Variants in STPG2 observed in about 807,000 individuals in gnomAD.
The protein encoded by STPG2 is sperm tail PG-rich repeat containing 2.
A neutral mutation model predicts 54.2 loss-of-function variants in STPG2; 56 were observed. The observed-to-expected ratio is 1.03, with a 90% CI of 0.83 to 1.29. The LOEUF is 1.29. Ranked by LOEUF, STPG2 falls within the 50% of genes most tolerant of loss-of-function variation. STPG2 has a pLI of 0.00. For missense variants in STPG2, 596 were observed against 544.9 expected, an observed-to-expected ratio of 1.09 and a Z score of -0.93; for synonymous variants, 200 against 181.8, an observed-to-expected ratio of 1.10 and a Z score of -0.81.
chr4:97,541,164 A>T (rs994033794), intron 4 of STPG2, among the ~76,000 whole-genome samples: 1 of 152,106 alleles, frequency 6.6e-6, no homozygotes, highest in African/African-American at 2.4e-5. Context: ...CAATTAGGAA[A>T]AGAGGAAGTC....
At chr4:97,726,888 G>A (rs1450197060) in intron 9 of STPG2, among the ~76,000 whole-genome samples, 1 of 151,212 alleles carries the variant, frequency 6.6e-6, no homozygotes, top group Non-Finnish European at 1.5e-5. Flanking sequence ...GTTGGCAAGA[G>A]GCCTCCTCCA....
chr4:97,879,612 C>A (rs1730300390), intron 8 of STPG2, among the ~76,000 whole-genome samples: 1 of 152,050 alleles, frequency 6.6e-6, no homozygotes, highest in African/African-American at 2.4e-5. Context: ...TTACCAGGTC[C>A]CCCCTGCAAC....
chr4:97,639,482 C>T (rs945390313), intron 10 of STPG2, among the ~76,000 whole-genome samples: 10 of 150,426 alleles, frequency 6.6e-5, no homozygotes, highest in Admixed American at 1.3e-4. Context: ...TACCCTAAAA[C>T]TTAAAGTATA....
At chr4:98,002,422 T>C (rs1432287333) in intron 5 of STPG2, among the ~76,000 whole-genome samples, 1 of 152,026 alleles carries the variant, frequency 6.6e-6, no homozygotes, top group Non-Finnish European at 1.5e-5. Flanking sequence ...GAATTTCCCA[T>C]ATCTTCTGCT....
intron 4 of STPG2, among the ~76,000 whole-genome samples, chr4:97,450,128 A>G (rs930742481): frequency 6.6e-6 from 1 of 152,166 alleles, no homozygotes; most frequent in Non-Finnish European, 1.5e-5. Flanking sequence ...ACTAAAGAGA[A>G]TTATACATAT....
intron 5 of STPG2, among the ~76,000 whole-genome samples, chr4:98,073,124 T>A (rs565786761): frequency 6.6e-6 from 1 of 152,188 alleles, no homozygotes; most frequent in African/African-American, 2.4e-5. Context: ...TTTGCAGATG[T>A]CTTGCTATGT....
chr4:97,884,601 C>A (rs1323019317), intron 8 of STPG2, among the ~76,000 whole-genome samples: 1 of 152,024 alleles, frequency 6.6e-6, no homozygotes, highest in Non-Finnish European at 1.5e-5. Context: ...TTTGTTTATA[C>A]CATCTACTCT....
chr4:97,574,814 T>C (rs1732684366), intron 10 of STPG2, among the ~76,000 whole-genome samples: 1 of 152,060 alleles, frequency 6.6e-6, no homozygotes, highest in South Asian at 2.1e-4. Context: ...TTTGGGATAG[T>C]GTTTTTTGCA....
intron 8 of STPG2, among the ~76,000 whole-genome samples, chr4:97,897,728 T>A (rs938235095): frequency 3.3e-5 from 5 of 152,144 alleles, no homozygotes; most frequent in African/African-American, 7.2e-5. Context: ...TGTGTTCACA[T>A]CCTTTGTCTA....
At chr4:97,612,650 G>A (rs1170736526) in intron 10 of STPG2, among the ~76,000 whole-genome samples, 1 of 152,014 alleles carries the variant, frequency 6.6e-6, no homozygotes, top group Non-Finnish European at 1.5e-5. Flanking sequence ...TACAAAGGAG[G>A]CTGGGGAATA....
intron 7 of STPG2, among the ~76,000 whole-genome samples, chr4:97,967,751 G>C (rs1204018344): frequency 6.6e-6 from 1 of 152,174 alleles, no homozygotes; most frequent in African/African-American, 2.4e-5. Context: ...ACCTGCTCCT[G>C]AATGACTACT....
intron 10 of STPG2, among the ~76,000 whole-genome samples, chr4:97,598,666 C>A (rs111893280): frequency 1.3e-5 from 2 of 151,750 alleles, no homozygotes; most frequent in African/African-American, 4.8e-5. Context: ...AAACAAGCAA[C>A]GGGAAAATAA....
chr4:97,525,577 A>C (rs979687692), intron 4 of STPG2, among the ~76,000 whole-genome samples: 1 of 152,016 alleles, frequency 6.6e-6, no homozygotes, highest in Admixed American at 6.6e-5. Context: ...GAAAAATAAC[A>C]ATATCAAGGT....
At chr4:97,744,350 G>A (rs1011078416) in intron 9 of STPG2, among the ~76,000 whole-genome samples, 2 of 151,196 alleles carry the variant, frequency 1.3e-5, no homozygotes, top group South Asian at 4.1e-4. Flanking sequence ...GATGTCAAAT[G>A]GCTTTTTAAT....
chr4:97,912,460 T>A (rs1731716844), intron 8 of STPG2, among the ~76,000 whole-genome samples: 1 of 152,130 alleles, frequency 6.6e-6, no homozygotes, highest in South Asian at 2.1e-4. Flanking sequence ...AATAGCCAGT[T>A]TAGAGAGAAA....
At chr4:97,774,569 T>C (rs186309344) in intron 9 of STPG2, among the ~76,000 whole-genome samples, 1 of 152,208 alleles carries the variant, frequency 6.6e-6, no homozygotes. Context: ...AGGATGCAAA[T>C]CAGGGTGCCT....
At chr4:97,492,612 G>A (rs982818529) in intron 4 of STPG2, among the ~76,000 whole-genome samples, 4 of 150,474 alleles carry the variant, frequency 2.7e-5, no homozygotes, top group African/African-American at 9.8e-5. Context: ...AATGTGAATT[G>A]TAGTCAGTTG....
intron 9 of STPG2, among the ~76,000 whole-genome samples, chr4:97,780,136 A>G (rs1726553066): frequency 8.9e-6 from 1 of 112,436 alleles, no homozygotes; most frequent in Admixed American, 9.8e-5. Flanking sequence ...ACAGACTGAC[A>G]AACTGGATAA....
At chr4:98,022,344 C>G (rs62318511) in intron 5 of STPG2, among the ~76,000 whole-genome samples, 58,409 of 149,948 alleles carry the variant, frequency 0.39, 11,322 homozygotes, top group Middle Eastern at 0.45. Flanking sequence ...TGAATATTGG[C>G]CCCCACTCTC....
Sources: gnomAD v4.1 joint callset for allele counts (sites outside exome capture counted in the v4.1 genomes callset) on GRCh38, gnomAD v4.1.1 for gene constraint, MANE v1.5 for transcripts, NCBI Gene and HGNC (gene_info 2026-07-23, HGNC 2026-07-21) for gene names.